The following KLHL29 variants were observed in gnomAD, a reference collection of about 807,000 sequenced individuals.
KLHL29 encodes the protein kelch like family member 29.
KLHL29 carries 21 observed loss-of-function variants against 80.4 expected under a neutral mutation model. The observed-to-expected ratio is 0.26, with a 90% CI of 0.19 to 0.38. The LOEUF is 0.38. KLHL29 is among the 10% of genes least tolerant of loss of function. KLHL29 has a pLI of 1.00. For missense variants in KLHL29, 867 were observed against 1,223.9 expected (o/e 0.71, Z 4.35); for synonymous variants, 511 against 526.8 (o/e 0.97, Z 0.41).
At chr2:23,524,504 C>A (rs563764540) in intron 2 of KLHL29, among the ~76,000 whole-genome samples, 5 of 152,190 alleles carry the variant, frequency 3.3e-5, no homozygotes, top group Non-Finnish European at 5.9e-5. Flanking sequence ...GGTGGCCACA[C>A]GGCTGGCAGG....
chr2:23,668,765 C>G (rs962232696), intron 5 of KLHL29: 3 of 152,156 alleles, frequency 2.0e-5, no homozygotes, highest in African/African-American at 7.3e-5. Flanking sequence ...CTGGCTGCAG[C>G]CCCCACTCAC....
intron 11 of KLHL29, 21 bp from the exon 12 acceptor site, chr2:23,703,165 T>C: frequency 7.1e-7 from 1 of 1,401,434 alleles, no homozygotes. Context: ...GACCCTGGGC[T>C]CTTTTTCTCC....
intron 3 of KLHL29, among the ~76,000 whole-genome samples, chr2:23,627,929 T>C (rs1378550920): frequency 6.7e-6 from 1 of 150,356 alleles, no homozygotes; most frequent in Admixed American, 6.6e-5. Context: ...TTTTTTGAGA[T>C]GGAGTCTCGC....
chr2:23,512,829 G>T (rs1665813675), intron 2 of KLHL29, among the ~76,000 whole-genome samples: 1 of 152,248 alleles, frequency 6.6e-6, no homozygotes, highest in Non-Finnish European at 1.5e-5. Context: ...TGGTTAAAGG[G>T]TGTCTTTTCC....
intron 2 of KLHL29, among the ~76,000 whole-genome samples, chr2:23,560,911 A>T (rs1467005272): frequency 6.6e-6 from 1 of 152,248 alleles, no homozygotes. Flanking sequence ...AGATATTTTT[A>T]AAATAAAGTG....
At chr2:23,559,231 T>TG (rs1338619577) in intron 2 of KLHL29, among the ~76,000 whole-genome samples, 1 of 152,116 alleles carries the variant, frequency 6.6e-6, no homozygotes, top group Non-Finnish European at 1.5e-5. Context: ...CCATGGTCTC[T>TG]GGGGTAGGAC....
At position 23,680,279 on chromosome 2, in the gene KLHL29, T is replaced by C. The variant is rs573190965; in HGVS notation, c.941-4120T>C. ...GGAGGGGAGGAGTCTGGGGAAGGCC[T>C]GCGGATTGCGGGCAGTGGACCGTCT... On this transcript the variant is annotated intron_variant, in intron 5 of 13. Coordinates refer to ENST00000486442, the MANE Select transcript of KLHL29 (RefSeq NM_052920.2). The surrounding 1 kb of genome is among the most constrained non-coding windows in gnomAD (Gnocchi z 4.1). Among the ~76,000 whole-genome samples, 10 of 152,194 alleles carry C rather than the reference T, an allele frequency of 6.6e-5. No individual in the cohort carries two copies. In the East Asian group the frequency reaches 1.5e-3, roughly 24 times the overall value.
At chr2:23,540,324 C>G (rs1666795650) in intron 2 of KLHL29, among the ~76,000 whole-genome samples, 1 of 152,250 alleles carries the variant, frequency 6.6e-6, no homozygotes, top group Non-Finnish European at 1.5e-5. Context: ...ACTTCAGTTC[C>G]TCGATCATGC....
intron 1 of KLHL29, among the ~76,000 whole-genome samples, chr2:23,450,467 C>T (rs1663844696): frequency 1.3e-5 from 2 of 152,140 alleles, no homozygotes; most frequent in Non-Finnish European, 2.9e-5. Context: ...CAGCCAGGAT[C>T]CTGGGGTTCC....
At chr2:23,565,235 T>A (rs1667561267) in intron 3 of KLHL29, among the ~76,000 whole-genome samples, 1 of 152,162 alleles carries the variant, frequency 6.6e-6, no homozygotes, top group Non-Finnish European at 1.5e-5. Flanking sequence ...TCCTTTTTTT[T>A]TCTTCTTCAG....
chr2:23,508,273 G>A (rs72848100), intron 2 of KLHL29, among the ~76,000 whole-genome samples: 3,044 of 152,354 alleles, frequency 0.02, 100 homozygotes, highest in African/African-American at 0.068. Flanking sequence ...ACACAGTGGG[G>A]AGAGCTTGTC....
At chr2:23,662,567 CT>C (rs1179190827) in intron 5 of KLHL29, among the ~76,000 whole-genome samples, 1 of 152,120 alleles carries the variant, frequency 6.6e-6, no homozygotes, top group Non-Finnish European at 1.5e-5. Flanking sequence ...CTGGTGGGCG[CT>C]TCTGGCCTTC....
intron 3 of KLHL29, among the ~76,000 whole-genome samples, chr2:23,636,079 A>C (rs1669599734): frequency 3.3e-5 from 5 of 152,202 alleles, no homozygotes; most frequent in Admixed American, 3.3e-4. Context: ...ACGGCCCTGA[A>C]CATGGTCCCC....
In KLHL29 at chr2:23,385,794, CG is replaced by C. The variant is rs1234888519; in HGVS notation, c.-154+17del. On this transcript the variant is annotated intron_variant, in intron 1 of 13. Transcript: ENST00000486442. The stretch of plus-strand genomic sequence containing the variant: ...CGCGCGCCGGAGGTAAGAGCCGGGC[CG>C]GGCTGGAGCGCCTCGGATGCGGCGC... 4 of 153,464 alleles carry C rather than the reference CG, an allele frequency of 2.6e-5. No homozygotes were observed. The highest frequency in any genetic ancestry group is 9.6e-5 in the African/African-American group (4 of 41,482). The allele number at this position is 153,464 out of a possible 1,614,324, so 9.5% of individuals were successfully genotyped here. A position where few individuals can be genotyped will look rare whatever the true frequency, so the allele number is the denominator to read the frequency against.
intron 2 of KLHL29, among the ~76,000 whole-genome samples, chr2:23,526,949 C>T (rs1487145131): frequency 2.6e-5 from 4 of 152,152 alleles, no homozygotes; most frequent in East Asian, 1.9e-4. Context: ...AGGGAGCCCC[C>T]GCAGGGTTTC....
intron 1 of KLHL29, among the ~76,000 whole-genome samples, chr2:23,473,937 C>T (rs1664563124): frequency 6.6e-6 from 1 of 152,158 alleles, no homozygotes; most frequent in Non-Finnish European, 1.5e-5. Flanking sequence ...CAGATGCCCA[C>T]ACGACCTACT....
intron 3 of KLHL29, among the ~76,000 whole-genome samples, chr2:23,566,031 G>A (rs1667582464): frequency 6.6e-6 from 1 of 152,254 alleles, no homozygotes; most frequent in Admixed American, 6.5e-5. Flanking sequence ...TTTGGGTGAG[G>A]AGGCTGGCTG....
At chr2:23,704,817 A>G (rs549166997) in intron 13 of KLHL29, among the ~76,000 whole-genome samples, 17 of 152,314 alleles carry the variant, frequency 1.1e-4, no homozygotes, top group Admixed American at 1.3e-4. Context: ...CCCATAGCAG[A>G]TGCTTCCTGA....
At chr2:23,654,218 C>T (rs1411923671) in intron 5 of KLHL29, among the ~76,000 whole-genome samples, 2 of 152,022 alleles carry the variant, frequency 1.3e-5, no homozygotes, top group Admixed American at 1.3e-4. Flanking sequence ...TTCCTGGGAG[C>T]CTGAACACCT....
Sources: gnomAD v4.1 joint callset for allele counts (sites outside exome capture counted in the v4.1 genomes callset) on GRCh38, gnomAD v4.1.1 for gene constraint, Gnocchi (gnomAD v3.1) non-coding constraint, MANE v1.5 for transcripts, NCBI Gene and HGNC (gene_info 2026-07-23, HGNC 2026-07-21) for gene names.